The following ERMP1 variants were observed in gnomAD, a reference collection of about 807,000 sequenced individuals.
ERMP1 encodes the protein endoplasmic reticulum metallopeptidase 1, also known as Felix-ina.
ERMP1 carries 86 observed loss-of-function variants against 92.0 expected under a neutral mutation model. The observed-to-expected ratio is 0.93, with a 90% CI of 0.79 to 1.12. The LOEUF (loss-of-function observed/expected upper bound fraction) is 1.12, where lower values mean the gene tolerates loss of function less well. ERMP1 is among the 50% of genes most tolerant of loss of function. The pLI is 0.00. For synonymous variants in ERMP1, 530 were observed against 412.8 expected (o/e 1.28, Z -3.44); for missense variants, 1,342 against 1,116.3 (o/e 1.20, Z -2.88).
At chr9:5,849,034 T>A (rs918278235) in intron 6 of ERMP1, among the ~76,000 whole-genome samples, 1 of 152,156 alleles carries the variant, frequency 6.6e-6, no homozygotes, top group African/African-American at 2.4e-5. Context: ...ATATTTTTAT[T>A]TTTATTTTAG....
intron 6 of ERMP1, among the ~76,000 whole-genome samples, chr9:5,857,588 C>A (rs1370167415): frequency 6.6e-6 from 1 of 152,208 alleles, no homozygotes; most frequent in Non-Finnish European, 1.5e-5. Flanking sequence ...TCTATTGGTA[C>A]ATCCCATTGA....
chr9:5,813,906 T>A (rs1489779820), intron 4 of ERMP1, among the ~76,000 whole-genome samples: 9 of 149,014 alleles, frequency 6.0e-5, no homozygotes, highest in Non-Finnish European at 1.2e-4. Context: ...AATTATATAA[T>A]TATATGTATA....
At chr9:5,794,909 A>G (rs1195282724) in intron 13 of ERMP1, among the ~76,000 whole-genome samples, 2 of 152,238 alleles carry the variant, frequency 1.3e-5, no homozygotes, top group Admixed American at 1.3e-4. Context: ...CTATGAGTCC[A>G]GCATTATCCT....
chr9:5,795,150 G>A (rs1828363019), intron 13 of ERMP1, among the ~76,000 whole-genome samples: 1 of 152,072 alleles, frequency 6.6e-6, no homozygotes, highest in East Asian at 1.9e-4. Flanking sequence ...AAAATCACAT[G>A]CCCATATCAA....
intron 2 of ERMP1, among the ~76,000 whole-genome samples, chr9:5,829,604 C>G (rs1319582511): frequency 6.6e-6 from 1 of 152,216 alleles, no homozygotes; most frequent in African/African-American, 2.4e-5. Flanking sequence ...CTCCATTACA[C>G]AGATGAGAAA....
chr9:5,823,896 C>G lies in ERMP1; in HGVS notation c.874G>C (p.Gly292Arg), dbSNP rs1276884433. Reference protein sequence around the residue: ...VGGKELVFQTGPENPWLVQAY... With the variant: ...VGGKELVFQTRPENPWLVQAY... ...ATATACAACGCACAATCTCACATAC[C>G]TGTTTGGAATACAAGTTCTTTCCCT... Residue 292 changes from glycine (G) to arginine (R), a missense_variant and splice_region_variant, in exon 4 of 15, where the codon GGT (glycine) becomes CGT (arginine). Transcript: ENST00000339450. 6.3e-7 allele frequency: 1 copy of G among 1,596,606 alleles called. No homozygotes were observed. The highest frequency in any genetic ancestry group is 8.6e-7 in the Non-Finnish European group (1 of 1,164,834).
At chr9:5,798,752 TG>T in intron 12 of ERMP1, 53 bp downstream of exon 12, 1 of 1,128,008 alleles carries the variant, frequency 8.9e-7, no homozygotes, top group Non-Finnish European at 1.3e-6. Flanking sequence ...AGTACTGATA[TG>T]GTGACAAGAC....
chr9:5,832,358 A>G, intron 1 of ERMP1: 1 of 294,504 alleles, frequency 3.4e-6, no homozygotes. Flanking sequence ...AGGGCTAAGC[A>G]AGGTAAAAAG....
chr9:5,833,005 G>T lies in ERMP1; in HGVS notation c.23C>A (p.Ala8Asp), dbSNP rs757934536. The change falls in exon 1 of 15, where the codon GCT becomes GAT. Residue 8 changes from alanine to aspartate, a missense_variant. Coordinates refer to ENST00000339450, the MANE Select transcript of ERMP1 (RefSeq NM_024896.3). MEWGSES[A>D]AVRRHRVGVE... ...TCCGACGCGGTGCCGCCTCACAGCAGCCGACTCAGAACCCCACTCCATGGC... is the reference window on the plus strand; with the variant it reads ...TCCGACGCGGTGCCGCCTCACAGCATCCGACTCAGAACCCCACTCCATGGC... 3 of 1,555,286 alleles carry T rather than the reference G, an allele frequency of 1.9e-6. No individual in the cohort carries two copies. The highest frequency in any genetic ancestry group is 2.6e-6 in the Non-Finnish European group (3 of 1,161,666).
intron 13 of ERMP1, among the ~76,000 whole-genome samples, chr9:5,797,534 A>C (rs1828480123): frequency 6.6e-6 from 1 of 151,692 alleles, no homozygotes; most frequent in Non-Finnish European, 1.5e-5. Flanking sequence ...TGTAATCCCA[A>C]ATACTCAGGA....
At chr9:5,843,462 G>T (rs1312619590) in intron 6 of ERMP1, among the ~76,000 whole-genome samples, 1 of 152,166 alleles carries the variant, frequency 6.6e-6, no homozygotes, top group Non-Finnish European at 1.5e-5. Context: ...AGCCCTCAAG[G>T]ACATACTTGA....
At chr9:5,840,714 T>C (rs1456761203) in intron 6 of ERMP1, among the ~76,000 whole-genome samples, 1 of 152,284 alleles carries the variant, frequency 6.6e-6, no homozygotes, top group Non-Finnish European at 1.5e-5. Flanking sequence ...TTATGCCCGT[T>C]TCTTCATCTG....
chr9:5,823,893 T>G lies in ERMP1; in HGVS notation c.874+3A>C. The G allele has an allele frequency of 6.3e-7, 1 of 1,592,452 alleles. No homozygotes were observed. The highest frequency in any genetic ancestry group is 1.1e-5 in the South Asian group (1 of 90,138). ...AAAATATACAACGCACAATCTCACA[T>G]ACCTGTTTGGAATACAAGTTCTTTC... On this transcript the variant is annotated splice_donor_region_variant and intron_variant, in intron 4 of 14. Transcript: ENST00000339450.
At chr9:5,855,001 A>C (rs1830355939) in intron 6 of ERMP1, among the ~76,000 whole-genome samples, 1 of 152,224 alleles carries the variant, frequency 6.6e-6, no homozygotes, top group Non-Finnish European at 1.5e-5. Flanking sequence ...AGTTCAGACC[A>C]GCAGTTTAAT....
chr9:5,815,104 T>A (rs116525513), intron 4 of ERMP1, among the ~76,000 whole-genome samples: 1,610 of 152,214 alleles, frequency 0.011, 46 homozygotes, highest in African/African-American at 0.037. Context: ...ATGGAGAAGA[T>A]AAATGTTTAA....
chr9:5,832,539 G>T, intron 1 of ERMP1, 151 bp downstream of exon 1: 1 of 571,294 alleles, frequency 1.8e-6, no homozygotes, highest in Non-Finnish European at 2.8e-6. Context: ...AGAAGGACAA[G>T]CAAGGTCACC....
At chr9:5,833,159 T>C (rs1225629968), upstream of ERMP1, 2 of 830,032 alleles carry the variant, frequency 2.4e-6, no homozygotes, top group East Asian at 3.3e-5. Context: ...CTTCTTCTGA[T>C]TGGCCCGTCC....
intron 4 of ERMP1, among the ~76,000 whole-genome samples, chr9:5,819,584 T>C (rs1255785470): frequency 6.6e-6 from 1 of 152,188 alleles, no homozygotes; most frequent in Non-Finnish European, 1.5e-5. Flanking sequence ...TCTTCATTTT[T>C]CCTATAAAAA....
intron 13 of ERMP1, among the ~76,000 whole-genome samples, chr9:5,788,858 A>G (rs1339790927): frequency 6.6e-6 from 1 of 152,234 alleles, no homozygotes; most frequent in Non-Finnish European, 1.5e-5. Flanking sequence ...AGACTCAGAA[A>G]AGAAATGGAG....
Sources: gnomAD v4.1 joint callset for allele counts (sites outside exome capture counted in the v4.1 genomes callset) on GRCh38, gnomAD v4.1.1 for gene constraint, MANE v1.5 for transcripts, NCBI Gene and HGNC (gene_info 2026-07-23, HGNC 2026-07-21) for gene names.